KDM4D: variants seen among roughly 807,000 people sequenced by gnomAD.
KDM4D encodes the protein lysine demethylase 4D.
For missense variants in KDM4D, 427 were observed against 674.8 expected (o/e 0.63, Z 4.07); for synonymous variants, 254 against 249.1 (o/e 1.02, Z -0.19).
In KDM4D at chr11:94,998,499, A is replaced by C. The variant is rs1555099569; in HGVS notation, c.1127A>C (p.Gln376Pro). 1.2e-6 allele frequency: 2 copies of C among 1,612,268 alleles called. No homozygotes were observed. The highest frequency in any genetic ancestry group is 1.1e-5 in the South Asian group (1 of 91,076). ...AGGAGAGCAGCGCTGGGCCTGAGACAACTCCCTTCCCACTGGGCCCGGCAT... is the reference window on the plus strand; with the variant it reads ...AGGAGAGCAGCGCTGGGCCTGAGACCACTCCCTTCCCACTGGGCCCGGCAT... ...LPRRAALGLR[Q>P]LPSHWARHSP... Residue 376 changes from glutamine (Q) to proline (P), a missense_variant, in exon 3 of 3, where the codon CAA becomes CCA. Coordinates refer to ENST00000335080, the MANE Select transcript of KDM4D (RefSeq NM_018039.3). The surrounding 1 kb of genome is among the most constrained non-coding windows in gnomAD (Gnocchi z 6.7).
In KDM4D at chr11:94,991,609, C is replaced by CA. The variant is rs148205509; in HGVS notation, c.-349-5412dup. On this transcript the variant is annotated intron_variant, in intron 2 of 2. Coordinates refer to ENST00000335080, the MANE Select transcript of KDM4D (RefSeq NM_018039.3). ...AATTTGATTGGAGAAATGAAAAAGACAAAGAGAAAGGAAGTTTAGAGATAA... is the reference window on the plus strand; with the variant it reads ...AATTTGATTGGAGAAATGAAAAAGACAAAAGAGAAAGGAAGTTTAGAGATAA... Among the ~76,000 whole-genome samples, 3 of 150,892 alleles carry CA rather than the reference C, an allele frequency of 2.0e-5. No individual in the cohort carries two copies. The East Asian group carries it at 5.8e-4, about 29-fold the overall frequency.
chr11:94,979,032 TAA>T (rs1233266518), intron 2 of KDM4D, among the ~76,000 whole-genome samples: 4 of 152,172 alleles, frequency 2.6e-5, no homozygotes, highest in Non-Finnish European at 5.9e-5. Context: ...ATCTACTATA[TAA>T]GTTATATGTG....
intron 2 of KDM4D, among the ~76,000 whole-genome samples, chr11:94,986,435 TA>T (rs1246412871): frequency 4.0e-5 from 6 of 148,624 alleles, no homozygotes; most frequent in Non-Finnish European, 3.0e-5. Context: ...ACCAAAAATT[TA>T]AAAAAAAAAT....
In KDM4D at chr11:94,997,520, A is replaced by G; in HGVS notation, c.148A>G (p.Lys50Glu). ...SQGAHRAGLA[K>E]IIPPKEWKAR... ...AGGTGCACACAGAGCTGGCTTGGCT[A>G]AGATAATTCCACCCAAAGAATGGAA... The change falls in exon 3 of 3, where the codon AAG becomes GAG. Residue 50 changes from lysine to glutamate, a missense_variant. Lys to Glu is a moderately conservative substitution (Grantham distance 56). Transcript: ENST00000335080. 1.2e-6 allele frequency: 2 copies of G among 1,614,184 alleles called. No homozygotes were observed. The highest frequency in any genetic ancestry group is 1.7e-6 in the Non-Finnish European group (2 of 1,180,020).
At chr11:94,990,856 T>C (rs1857929028) in intron 2 of KDM4D, among the ~76,000 whole-genome samples, 1 of 152,174 alleles carries the variant, frequency 6.6e-6, no homozygotes, top group African/African-American at 2.4e-5. Flanking sequence ...TTGAAATCTG[T>C]CTAACAAAAC....
intron 2 of KDM4D, among the ~76,000 whole-genome samples, chr11:94,992,675 AATTTC>A (rs1555098815): frequency 1.3e-5 from 2 of 152,162 alleles, no homozygotes; most frequent in South Asian, 4.1e-4. Context: ...TAATCTAAGA[AATTTC>A]ATTCATTCAA....
rs1197726660 is a variant in KDM4D at position 94,999,406 on chromosome 11, G to A, written c.*462G>A. The A allele has an allele frequency of 1.2e-5, 2 of 167,538 alleles. No individual in the cohort carries two copies. The highest frequency in any genetic ancestry group is 4.8e-5 in the African/African-American group (2 of 41,438). 10.4% of individuals were successfully genotyped at this position (167,538 alleles called of 1,614,324 possible). The stretch of plus-strand genomic sequence containing the variant: ...TAGGTTCTTTATACAGATAAGGTCA[G>A]TAGAGTTCCAGAATAAAAGATATGA... On this transcript the variant is annotated 3_prime_UTR_variant, in exon 3 of 3. Transcript: ENST00000335080.
rs1858005476 is a variant in KDM4D, at chr11:94,999,122, C to G, written c.*178C>G. The G allele has an allele frequency of 3.9e-6, 2 of 516,912 alleles. No individual in the cohort carries two copies. Among genetic ancestry groups the G allele is most frequent in the Non-Finnish European group, 6.5e-6 (2 of 305,572 alleles). 32.0% of individuals were successfully genotyped at this position (516,912 alleles called of 1,614,324 possible). On this transcript the variant is annotated 3_prime_UTR_variant, in exon 3 of 3. Coordinates refer to ENST00000335080, the MANE Select transcript of KDM4D (RefSeq NM_018039.3). ...CATGGTAGTTTTCAATTTTGCCATA[C>G]TTTTGTTCTTCCTACCGGACCCTGG...
In KDM4D at chr11:94,977,554, A is replaced by G. The variant is rs782284459; in HGVS notation, c.-350+1806A>G. Among the ~76,000 whole-genome samples, 4 of 152,244 alleles carry G rather than the reference A, an allele frequency of 2.6e-5. No homozygotes were observed. In the East Asian group the frequency reaches 5.8e-4, roughly 22 times the overall value. ...CAAGTCTTTGTTCAAATGGAGTCCA[A>G]CGAACCTTGGGCATCTCTACTTAAA... On this transcript the variant is annotated intron_variant, in intron 2 of 2. Coordinates refer to ENST00000335080, the MANE Select transcript of KDM4D (RefSeq NM_018039.3).
At chr11:94,984,057 G>A (rs1379348155) in intron 2 of KDM4D, among the ~76,000 whole-genome samples, 2 of 152,084 alleles carry the variant, frequency 1.3e-5, no homozygotes, top group African/African-American at 4.8e-5. Flanking sequence ...ATAGGAAAGT[G>A]CAATAATAAA....
At chr11:94,984,059 A>T (rs1034151856) in intron 2 of KDM4D, among the ~76,000 whole-genome samples, 2 of 152,254 alleles carry the variant, frequency 1.3e-5, no homozygotes, top group Non-Finnish European at 2.9e-5. Flanking sequence ...AGGAAAGTGC[A>T]ATAATAAAAT....
rs1015537079 is a variant in KDM4D, at chr11:94,973,855, C to T, written c.-658C>T. 4 of 152,318 alleles carry T rather than the reference C, an allele frequency of 2.6e-5. No individual in the cohort carries two copies. Among genetic ancestry groups the T allele is most frequent in the African/African-American group, 9.6e-5 (4 of 41,480 alleles). 9.4% of individuals were successfully genotyped at this position (152,318 alleles called of 1,614,324 possible). A position where few individuals can be genotyped will look rare whatever the true frequency, so the allele number is the denominator to read the frequency against. On this transcript the variant is annotated 5_prime_UTR_variant, in exon 1 of 3. Coordinates refer to ENST00000335080, the MANE Select transcript of KDM4D (RefSeq NM_018039.3). ...TCCGGTACTGCGTGGACGGAAAGCC[C>T]CGGGTAGCCGACACCACGTCCCCGG...
intron 2 of KDM4D, among the ~76,000 whole-genome samples, chr11:94,982,915 A>G (rs1555097738): frequency 6.6e-6 from 1 of 152,062 alleles, no homozygotes; most frequent in Non-Finnish European, 1.5e-5. Context: ...TGCAGGAGCT[A>G]TGAAAATACA....
intron 2 of KDM4D, among the ~76,000 whole-genome samples, chr11:94,983,412 A>G (rs1258409483): frequency 6.6e-6 from 1 of 152,172 alleles, no homozygotes; most frequent in Non-Finnish European, 1.5e-5. Context: ...GATTACTTAA[A>G]TAGTACACAA....
At position 94,973,899 on chromosome 11, in the gene KDM4D, GA is replaced by G; in HGVS notation, c.-610del. On this transcript the variant is annotated 5_prime_UTR_variant, in exon 1 of 3. It removes the in-frame stop codon of an upstream open reading frame in the 5' UTR. Coordinates refer to ENST00000335080, the MANE Select transcript of KDM4D (RefSeq NM_018039.3). ...TCCCCGGCTAGCGGGAGAGAGCGTG[GA>G]AAAGGATTACACCAAACTGTTTAAA... The G allele has an allele frequency of 6.6e-6, 1 of 152,362 alleles. No homozygotes were observed. Among genetic ancestry groups the G allele is most frequent in the Non-Finnish European group, 1.5e-5 (1 of 68,058 alleles). The allele number at this position is 152,362 out of a possible 1,614,324, so 9.4% of individuals were successfully genotyped here. A position where few individuals can be genotyped will look rare whatever the true frequency, so the allele number is the denominator to read the frequency against.
chr11:94,979,745 T>C (rs1184390536), intron 2 of KDM4D, among the ~76,000 whole-genome samples: 1 of 152,202 alleles, frequency 6.6e-6, no homozygotes, highest in Non-Finnish European at 1.5e-5. Context: ...ATCTTTTCGT[T>C]GTAGTGATAA....
At chr11:94,989,748 C>CTTT (rs1491463518) in intron 2 of KDM4D, among the ~76,000 whole-genome samples, 1 of 74,588 alleles carries the variant, frequency 1.3e-5, no homozygotes, top group Non-Finnish European at 2.7e-5. Context: ...CTCTCTCTCT[C>CTTT]TTTCTTTTTT....
intron 2 of KDM4D, among the ~76,000 whole-genome samples, chr11:94,992,366 C>A (rs1243062265): frequency 6.6e-6 from 1 of 151,552 alleles, no homozygotes; most frequent in Admixed American, 6.6e-5. Context: ...TAAGAAAACA[C>A]CCTGGGACCC....
intron 2 of KDM4D, among the ~76,000 whole-genome samples, chr11:94,987,718 T>C (rs1857900045): frequency 6.6e-6 from 1 of 151,978 alleles, no homozygotes; most frequent in Non-Finnish European, 1.5e-5. Flanking sequence ...ACAGACACAA[T>C]GTAGAGAGCA....
Sources: allele counts gnomAD v4.1 joint callset (sites outside exome capture counted in the v4.1 genomes callset), GRCh38; gene constraint gnomAD v4.1.1; non-coding constraint Gnocchi (gnomAD v3.1); transcripts MANE v1.5; gene names NCBI Gene and HGNC (gene_info 2026-07-23, HGNC 2026-07-21).